Variants in TUT4 observed in about 807,000 individuals in gnomAD.
The protein encoded by TUT4 is terminal uridylyl transferase 4.
TUT4 carries 36 observed loss-of-function variants against 192.2 expected under a neutral mutation model. The ratio of observed to expected loss-of-function variants is 0.19; its 90% confidence interval spans 0.14 to 0.25. The LOEUF is 0.25. Ranked by LOEUF, TUT4 falls within the 10% of genes least tolerant of loss-of-function variation. The pLI, the probability that TUT4 is intolerant of heterozygous loss-of-function variation, is 1.00. For synonymous variants in TUT4, 618 were observed against 666.0 expected (o/e 0.93, Z 1.11); for missense variants, 1,493 against 1,957.2 (o/e 0.76, Z 4.47).
Position 52,458,458 on chromosome 1 carries a change from C to T in TUT4, c.3322-9G>A, listed in dbSNP as rs1661572835. The T allele has an allele frequency of 1.3e-6, 2 of 1,600,006 alleles. No homozygotes were observed. Among genetic ancestry groups the T allele is most frequent in the Non-Finnish European group, 1.7e-6 (2 of 1,169,556 alleles). On this transcript the variant is annotated splice_polypyrimidine_tract_variant and intron_variant, in intron 19 of 29. Transcript: ENST00000257177. ...TCCCCAATGTCACATCGCTAAAAAA[C>T]AACATGATTGAAAACAAAACTTCAG... is the stretch of plus-strand genomic sequence containing the variant.
intron 24 of TUT4, among the ~76,000 whole-genome samples, chr1:52,438,925 C>G (rs933441140): frequency 6.6e-6 from 1 of 152,112 alleles, no homozygotes; most frequent in African/African-American, 2.4e-5. Context: ...CAAAAATTAG[C>G]TGAGCATGGT....
intron 14 of TUT4, among the ~76,000 whole-genome samples, chr1:52,469,822 C>T (rs748304617): frequency 1.4e-4 from 20 of 140,990 alleles, no homozygotes; most frequent in Non-Finnish European, 2.0e-4. Flanking sequence ...ACCCAGGAGG[C>T]GGAGCTTGCA....
intron 3 of TUT4, among the ~76,000 whole-genome samples, chr1:52,513,189 G>A (rs1214577633): frequency 2.7e-5 from 4 of 147,764 alleles, no homozygotes; most frequent in East Asian, 2.0e-4. Flanking sequence ...AACTCAGCAC[G>A]TTGGGAGGCC....
rs747690271 is a variant in TUT4 at position 52,423,855 on chromosome 1, G to A, written c.*80C>T. ...TTTTCTGCTGAATGTAACTGACATT[G>A]AGGTACGGATACCCTTGAGACAGCA... On this transcript the variant is annotated 3_prime_UTR_variant, in exon 30 of 30. Transcript: ENST00000257177. The A allele has an allele frequency of 1.8e-5, 28 of 1,573,802 alleles. No individual in the cohort carries two copies. The Admixed American group carries it at 4.1e-4, about 23-fold the overall frequency.
intron 2 of TUT4, among the ~76,000 whole-genome samples, chr1:52,518,049 T>C (rs1246884992): frequency 6.6e-6 from 1 of 152,200 alleles, no homozygotes; most frequent in Non-Finnish European, 1.5e-5. Context: ...AGGCAGAACG[T>C]CCTAAATTGT....
At chr1:52,455,045 G>A (rs559323783) in intron 20 of TUT4, among the ~76,000 whole-genome samples, 1 of 152,240 alleles carries the variant, frequency 6.6e-6, no homozygotes, top group South Asian at 2.1e-4. Context: ...CTCACTTTGG[G>A]AGGCCAAGGC....
At chr1:52,543,908 C>A (rs1226404964) in intron 1 of TUT4, among the ~76,000 whole-genome samples, 1 of 152,116 alleles carries the variant, frequency 6.6e-6, no homozygotes, top group African/African-American at 2.4e-5. Context: ...CATGGAATCT[C>A]AAGAGACCCC....
chr1:52,494,575 C>T (rs1671998726), intron 6 of TUT4, among the ~76,000 whole-genome samples: 1 of 152,072 alleles, frequency 6.6e-6, no homozygotes, highest in Admixed American at 6.5e-5. Flanking sequence ...ACCTGTAATC[C>T]CAGCTACTCA....
At chr1:52,524,834 T>C (rs774946444) in intron 2 of TUT4, among the ~76,000 whole-genome samples, 1 of 152,080 alleles carries the variant, frequency 6.6e-6, no homozygotes, top group South Asian at 2.1e-4. Context: ...AATTCTTCAA[T>C]GGCTTCTGAA....
chr1:52,448,588 C>CAAAAAAA (rs1190767355), intron 20 of TUT4, among the ~76,000 whole-genome samples: 3 of 40,806 alleles, frequency 7.4e-5, no homozygotes, highest in South Asian at 2.0e-3. Context: ...GATTCTGTCT[C>CAAAAAAA]AAAAAAAAAA....
At chr1:52,516,982 G>C (rs919628761) in intron 2 of TUT4, among the ~76,000 whole-genome samples, 1 of 152,076 alleles carries the variant, frequency 6.6e-6, no homozygotes, top group Non-Finnish European at 1.5e-5. Context: ...CTCAGATCTT[G>C]CCACGACACT....
rs1653038393 is a variant in TUT4 at position 52,434,282 on chromosome 1, T to TA, written c.4263+1082dup. On this transcript the variant is annotated intron_variant, in intron 27 of 29. Coordinates refer to ENST00000257177, the MANE Select transcript of TUT4 (RefSeq NM_001009881.3). ...ACAAATCACATTAGATTTAGCATGTTAAACGGTTAATGGATTTGATGCTAG... is the reference window on the plus strand; with the variant it reads ...ACAAATCACATTAGATTTAGCATGTTAAAACGGTTAATGGATTTGATGCTAG... 5.3e-5 allele frequency: 8 copies of TA among 152,346 alleles called. No homozygotes were observed. The South Asian group carries it at 1.4e-3, about 28-fold the overall frequency. 9.4% of individuals were successfully genotyped at this position (152,346 alleles called of 1,614,324 possible).
At chr1:52,520,731 C>T (rs922987527) in intron 2 of TUT4, among the ~76,000 whole-genome samples, 5 of 152,132 alleles carry the variant, frequency 3.3e-5, no homozygotes, top group African/African-American at 1.2e-4. Flanking sequence ...TTCCCTATGT[C>T]GTTCCTATTT....
chr1:52,525,798 T>G lies in TUT4; in HGVS notation c.483A>C (p.Glu161Asp). The change falls in exon 2 of 30, where the codon GAA (glutamate) becomes GAC (aspartate). Residue 161 changes from glutamate to aspartate, a missense_variant. Glu to Asp is a conservative substitution (Grantham distance 45). Coordinates refer to ENST00000257177, the MANE Select transcript of TUT4 (RefSeq NM_001009881.3). ...CTTTCAACAGTAAACTGGGTCCCTT[T>G]TCTGCTTCTGCTGGTGAACTTGGTA... Reference protein sequence around the residue: ...EKVPSSPAEAEKGPSLLLKDM... With the variant: ...EKVPSSPAEADKGPSLLLKDM... 6.2e-7 allele frequency: 1 copy of G among 1,614,206 alleles called. No homozygotes were observed. The highest frequency in any genetic ancestry group is 1.3e-5 in the African/African-American group (1 of 75,068).
At chr1:52,511,027 T>C (rs1428920612) in intron 3 of TUT4, among the ~76,000 whole-genome samples, 2 of 152,236 alleles carry the variant, frequency 1.3e-5, no homozygotes, top group African/African-American at 4.8e-5. Flanking sequence ...AGGCTTCAGC[T>C]TCTGACAAAA....
At chr1:52,537,292 C>T (rs1685189495) in intron 1 of TUT4, among the ~76,000 whole-genome samples, 1 of 151,848 alleles carries the variant, frequency 6.6e-6, no homozygotes, top group African/African-American at 2.4e-5. Flanking sequence ...AAAATGAAAA[C>T]AGATACTCCA....
At chr1:52,520,180 A>G (rs1679864459) in intron 2 of TUT4, among the ~76,000 whole-genome samples, 1 of 152,208 alleles carries the variant, frequency 6.6e-6, no homozygotes, top group Non-Finnish European at 1.5e-5. Flanking sequence ...GCAGAGAGAA[A>G]GGGTGAGAAG....
chr1:52,431,640 A>G, intron 27 of TUT4, 180 bp from the exon 28 acceptor site: 1 of 449,734 alleles, frequency 2.2e-6, no homozygotes, highest in South Asian at 6.1e-5. Context: ...TTGCCTCACA[A>G]ATCGTTTTAT....
At chr1:52,544,665 T>C (rs1160670517) in intron 1 of TUT4, among the ~76,000 whole-genome samples, 2 of 152,184 alleles carry the variant, frequency 1.3e-5, no homozygotes, top group Non-Finnish European at 2.9e-5. Flanking sequence ...TTGTTGAGTA[T>C]GACACCAAAG....
Sources: gnomAD v4.1 joint callset for allele counts (sites outside exome capture counted in the v4.1 genomes callset) on GRCh38, gnomAD v4.1.1 for gene constraint, MANE v1.5 for transcripts, NCBI Gene and HGNC (gene_info 2026-07-23, HGNC 2026-07-21) for gene names.